Variants in FSIP2 observed in about 807,000 individuals in gnomAD.
The protein encoded by FSIP2 is fibrous sheath interacting protein 2.
In FSIP2, 367 loss-of-function variants were observed where a neutral mutation model predicts 510.5. The ratio of observed to expected loss-of-function variants is 0.72; its 90% CI spans 0.66 to 0.78. The LOEUF (loss-of-function observed/expected upper bound fraction) is 0.78. Among genes scored for constraint, FSIP2 ranks in the 30% least tolerant of loss-of-function variants. The probability of loss-of-function intolerance (pLI) is 0.00; values close to 1 mark genes in which losing one functional copy is unlikely to be tolerated. For missense variants in FSIP2, 7,594 were observed against 7,901.7 expected (o/e 0.96, Z 1.48); for synonymous variants, 2,601 against 2,732.2 (o/e 0.95, Z 1.50).
intron 13 of FSIP2, among the ~76,000 whole-genome samples, chr2:185,771,279 T>C (rs1692602284): frequency 6.6e-6 from 1 of 152,190 alleles, no homozygotes; most frequent in African/African-American, 2.4e-5. Flanking sequence ...AGTTCTTCAA[T>C]CCCACATTTC....
chr2:185,805,032 T>TGAA lies in FSIP2; in HGVS notation c.15730_15732dup (p.Glu5244dup). ...ATCATTTACAGCCATTTTTACATGG[T>TGAA]GAAGAATCATCTTTCAGTGACTTAT... On this transcript the variant is annotated inframe_insertion, in exon 17 of 23. Coordinates refer to ENST00000424728, the MANE Select transcript of FSIP2 (RefSeq NM_173651.4). 1 of 1,596,630 alleles carries TGAA rather than the reference T, an allele frequency of 6.3e-7. No individual in the cohort carries two copies. Among genetic ancestry groups the TGAA allele is most frequent in the Non-Finnish European group, 8.5e-7 (1 of 1,175,284 alleles).
At chr2:185,814,156 A>C in intron 18 of FSIP2, 114 bp downstream of exon 18, 2 of 1,080,634 alleles carry the variant, frequency 1.9e-6, no homozygotes, top group Non-Finnish European at 2.7e-6. Context: ...TTCAATCTCA[A>C]GCCTGGTGAT....
In FSIP2 at chr2:185,796,402, T is replaced by C; in HGVS notation, c.9266T>C (p.Met3089Thr). The change falls in exon 16 of 23, where the codon ATG becomes ACG. Residue 3089 changes from methionine to threonine, a missense_variant. Coordinates refer to ENST00000424728, the MANE Select transcript of FSIP2 (RefSeq NM_173651.4). ...LTYAVNIISD[M>T]LAVIKNKLDN... ...TATGCTGTTAATATCATCAGTGACA[T>C]GCTTGCTGTAATTAAGAACAAGCTA... The C allele has an allele frequency of 6.5e-7, 1 of 1,533,904 alleles. No individual in the cohort carries two copies. The highest frequency in any genetic ancestry group is 8.7e-7 in the Non-Finnish European group (1 of 1,145,384).
At chr2:185,772,617 A>G (rs1335959520) in intron 13 of FSIP2, among the ~76,000 whole-genome samples, 1 of 152,160 alleles carries the variant, frequency 6.6e-6, no homozygotes, top group Non-Finnish European at 1.5e-5. Flanking sequence ...CAAGTCATCC[A>G]TGAGGGATCT....
Position 185,796,106 on chromosome 2 carries a change from A to G in FSIP2, c.8970A>G (p.Gln2990=). The G allele has an allele frequency of 6.5e-7, 1 of 1,534,444 alleles. No individual in the cohort carries two copies. Among genetic ancestry groups the G allele is most frequent in the Non-Finnish European group, 8.7e-7 (1 of 1,146,030 alleles). ...ISVGSSNQIV[Q]EIVETVLNML... ...TGGGCTCCAGCAACCAAATTGTTCA[A>G]GAGATTGTAGAAACGGTTTTAAACA... The change falls in exon 16 of 23, where the codon CAA becomes CAG. Residue 2990 remains glutamine, a synonymous_variant. Coordinates refer to ENST00000424728, the MANE Select transcript of FSIP2 (RefSeq NM_173651.4).
Position 185,795,064 on chromosome 2 carries a change from T to C in FSIP2, c.7928T>C (p.Phe2643Ser). ...IQMVLNKITN[F>S]VSLPLKVSPK... ...ATGGTTCTCAATAAGATCACAAATT[T>C]TGTCTCACTTCCTTTAAAGGTGAGC... The change falls in exon 16 of 23, where the codon TTT (phenylalanine) becomes TCT (serine). Residue 2643 changes from phenylalanine to serine, a missense_variant. Phe to Ser is a radical substitution (Grantham distance 155, BLOSUM62 -2). Transcript: ENST00000424728. 6.5e-7 allele frequency: 1 copy of C among 1,534,788 alleles called. No individual in the cohort carries two copies. The highest frequency in any genetic ancestry group is 8.7e-7 in the Non-Finnish European group (1 of 1,146,054).
chr2:185,776,015 A>C (rs1692709184), intron 13 of FSIP2, among the ~76,000 whole-genome samples: 1 of 152,138 alleles, frequency 6.6e-6, no homozygotes, highest in South Asian at 2.1e-4. Flanking sequence ...CATGCCTGTA[A>C]ACCCAGCACT....
At position 185,804,642 on chromosome 2, in the gene FSIP2, G is replaced by T. The variant is rs1693517878; in HGVS notation, c.15336G>T (p.Val5112=). 6.5e-7 allele frequency: 1 copy of T among 1,533,152 alleles called. No individual in the cohort carries two copies. The highest frequency in any genetic ancestry group is 2.5e-5 in the East Asian group (1 of 40,816). 95.0% of individuals were successfully genotyped at this position (1,533,152 alleles called of 1,614,324 possible). A position where few individuals can be genotyped will look rare whatever the true frequency, so the allele number is the denominator to read the frequency against. Residue 5112 remains valine (V), a synonymous_variant, in exon 17 of 23, where the codon GTG becomes GTT. Coordinates refer to ENST00000424728, the MANE Select transcript of FSIP2 (RefSeq NM_173651.4). ...DSHALPPYIT[V]LPHSLLEDMV... is the part of the protein sequence containing the mutation. Reference sequence around the variant, plus strand: ...ATGCCTTGCCACCATATATTACTGTGTTGCCTCATTCTCTTTTAGAAGATA... The same window carrying T: ...ATGCCTTGCCACCATATATTACTGTTTTGCCTCATTCTCTTTTAGAAGATA...
chr2:185,806,831 C>T lies in FSIP2; in HGVS notation c.17525C>T (p.Ala5842Val). The T allele has an allele frequency of 6.2e-7, 1 of 1,609,890 alleles. No individual in the cohort carries two copies. The highest frequency in any genetic ancestry group is 8.5e-7 in the Non-Finnish European group (1 of 1,178,254). ...TCACTGTTAAAGGAGTTCTCAGATG[C>T]TCAAATTAAGGTTTTCAGGCCAGAT... is the stretch of plus-strand genomic sequence containing the variant. ...INSLLKEFSD[A>V]QIKVFRPDKG... Residue 5842 changes from alanine to valine, a missense_variant, in exon 17 of 23, where the codon GCT becomes GTT. Transcript: ENST00000424728.
In FSIP2 at chr2:185,806,566, A is replaced by C. The variant is rs763642128; in HGVS notation, c.17260A>C (p.Lys5754Gln). ...AGAAAAAGAAGAGGAAGAGAGAGAA[A>C]AAGAGAAAGTAAGAGAGGAGATTAA... ...AKEKEEEERE[K>Q]EKVREEIKSE... The change falls in exon 17 of 23, where the codon AAA (lysine) becomes CAA (glutamine). Residue 5754 changes from lysine (K) to glutamine (Q), a missense_variant. Physicochemically the swap from Lys to Gln is moderately conservative, Grantham distance 53 (BLOSUM62 1). Transcript: ENST00000424728. The C allele has an allele frequency of 1.9e-6, 3 of 1,604,496 alleles. No individual in the cohort carries two copies. The Admixed American group carries it at 5.2e-5, about 28-fold the overall frequency.
intron 7 of FSIP2, 23 bp downstream of exon 7, chr2:185,747,446 A>T (rs1298817902): frequency 1.6e-6 from 2 of 1,283,748 alleles, no homozygotes; most frequent in Non-Finnish European, 2.2e-6. Context: ...TTAACCTCTA[A>T]CTTGAGCTGT....
At chr2:185,737,283 C>T (rs1467922399), upstream of FSIP2, among the ~76,000 whole-genome samples, 1 of 152,138 alleles carries the variant, frequency 6.6e-6, no homozygotes, top group Non-Finnish European at 1.5e-5. Flanking sequence ...CAATAAGAAA[C>T]TGATACAGAG....
At position 185,803,509 on chromosome 2, in the gene FSIP2, C is replaced by T. The variant is rs555824612; in HGVS notation, c.14203C>T (p.Leu4735=). ...GGCTGCAAGAATAACTAATATCATC[C>T]TGGCTGAAATTTTTGATTTCCAAAT... ...TLAARITNII[L]AEIFDFQIHP... The change falls in exon 17 of 23, where the codon CTG becomes TTG. Residue 4735 remains leucine, a synonymous_variant. Transcript: ENST00000424728. 2.0e-6 allele frequency: 3 copies of T among 1,532,502 alleles called. No homozygotes were observed. In the East Asian group the frequency reaches 7.4e-5, roughly 38 times the overall value. 94.9% of individuals were successfully genotyped at this position (1,532,502 alleles called of 1,614,324 possible).
Position 185,797,403 on chromosome 2 carries a change from A to AG in FSIP2, c.10267_10268insG (p.Thr3423SerfsTer6). 6.5e-7 allele frequency: 1 copy of AG among 1,532,570 alleles called. No individual in the cohort carries two copies. Among genetic ancestry groups the AG allele is most frequent in the Non-Finnish European group, 8.7e-7 (1 of 1,145,610 alleles). The allele number at this position is 1,532,570 out of a possible 1,614,324, so 94.9% of individuals were successfully genotyped here. Reference sequence around the variant, plus strand: ...AAAAAAGGAGTACCCAAAGATAGAGACTGTGAAGGAAGTTGAAGCCTTTAC... The same window carrying AG: ...AAAAAAGGAGTACCCAAAGATAGAGAGCTGTGAAGGAAGTTGAAGCCTTTAC... On this transcript the variant is annotated frameshift_variant, in exon 16 of 23. Coordinates refer to ENST00000424728, the MANE Select transcript of FSIP2 (RefSeq NM_173651.4). LOFTEE classifies it high-confidence loss of function.
Position 185,804,760 on chromosome 2 carries a change from G to A in FSIP2, c.15454G>A (p.Glu5152Lys), listed in dbSNP as rs1197100532. The A allele has an allele frequency of 2.6e-6, 4 of 1,531,002 alleles. No individual in the cohort carries two copies. The highest frequency in any genetic ancestry group is 3.5e-6 in the Non-Finnish European group (4 of 1,144,538). The allele number at this position is 1,531,002 out of a possible 1,614,324, so 94.8% of individuals were successfully genotyped here. A position where few individuals can be genotyped will look rare whatever the true frequency, so the allele number is the denominator to read the frequency against. Residue 5152 changes from glutamate to lysine, a missense_variant, in exon 17 of 23, where the codon GAG becomes AAG. Transcript: ENST00000424728. ...KKFPPDDEFV[E>K]AASKLTDEII... is the part of the protein sequence containing the mutation. ...GTTTCCACCGGATGATGAATTTGTG[G>A]AGGCAGCTTCAAAATTGACTGATGA...
intron 13 of FSIP2, among the ~76,000 whole-genome samples, chr2:185,773,812 T>C (rs1279588153): frequency 6.6e-6 from 1 of 152,226 alleles, no homozygotes; most frequent in Non-Finnish European, 1.5e-5. Context: ...TCTTTCCATG[T>C]ATTACATATT....
In FSIP2 at chr2:185,802,148, TTGTTA is replaced by T; in HGVS notation, c.12843_12847del (p.Val4282ThrfsTer5). 6.5e-7 allele frequency: 1 copy of T among 1,533,278 alleles called. No homozygotes were observed. The allele number at this position is 1,533,278 out of a possible 1,614,324, so 95.0% of individuals were successfully genotyped here. A position where few individuals can be genotyped will look rare whatever the true frequency, so the allele number is the denominator to read the frequency against. The stretch of plus-strand genomic sequence containing the variant: ...ACTCCACTGGATCCAGTGTCTACTA[TTGTTA>T]CACAGGTTCTGAGTGAAGTGATAGA... On this transcript the variant is annotated frameshift_variant, in exon 17 of 23. Coordinates refer to ENST00000424728, the MANE Select transcript of FSIP2 (RefSeq NM_173651.4). LOFTEE classifies it high-confidence loss of function.
At chr2:185,760,845 G>A (rs1448338808) in intron 9 of FSIP2, 143 bp from the exon 10 acceptor site, 1 of 476,768 alleles carries the variant, frequency 2.1e-6, no homozygotes, top group Non-Finnish European at 3.7e-6. Context: ...TATCTTGAAT[G>A]CAGTGATGGT....
chr2:185,813,934 A>G lies in FSIP2; in HGVS notation c.20217A>G (p.Glu6739=). The G allele has an allele frequency of 1.2e-6, 2 of 1,613,628 alleles. No homozygotes were observed. Among genetic ancestry groups the G allele is most frequent in the Non-Finnish European group, 1.7e-6 (2 of 1,179,710 alleles). ...STEAISNQVI[E]SKETHVKRAV... is the part of the protein sequence containing the mutation. ...AAGCAATCTCAAATCAGGTAATAGAATCCAAGGAGACACATGTTAAAAGAG... is the reference window on the plus strand; with the variant it reads ...AAGCAATCTCAAATCAGGTAATAGAGTCCAAGGAGACACATGTTAAAAGAG... Residue 6739 remains glutamate (E), a synonymous_variant, in exon 18 of 23, where the codon GAA becomes GAG. Transcript: ENST00000424728.
Sources: allele counts gnomAD v4.1 joint callset (sites outside exome capture counted in the v4.1 genomes callset), GRCh38; gene constraint gnomAD v4.1.1; transcripts MANE v1.5; gene names NCBI Gene and HGNC (gene_info 2026-07-23, HGNC 2026-07-21).